Variants in METTL15 observed in about 807,000 individuals in gnomAD.
METTL15 encodes methyltransferase 15, mitochondrial 12S rRNA N4-cytidine.
In METTL15, 34 loss-of-function variants were observed where a neutral mutation model predicts 38.3. The observed-to-expected ratio is 0.89, with a 90% CI of 0.68 to 1.18. METTL15 has a LOEUF of 1.18. Among genes scored for constraint, METTL15 ranks in the 50% most tolerant of loss-of-function variants. The probability of loss-of-function intolerance (pLI) is 0.00; values close to 1 mark genes in which losing one functional copy is unlikely to be tolerated. For synonymous variants in METTL15, 162 were observed against 170.9 expected (o/e 0.95, Z 0.41); for missense variants, 438 against 498.4 (o/e 0.88, Z 1.15).
At chr11:28,468,536 C>T (rs1393354789) in intron 6 of METTL15, among the ~76,000 whole-genome samples, 1 of 152,098 alleles carries the variant, frequency 6.6e-6, no homozygotes, top group East Asian at 1.9e-4. Context: ...AGGGGTTGTT[C>T]ATAAATCTGT....
chr11:28,227,913 G>A (rs1853545982), intron 4 of METTL15, among the ~76,000 whole-genome samples: 1 of 151,822 alleles, frequency 6.6e-6, no homozygotes, highest in South Asian at 2.1e-4. Context: ...TTGCTTTAAT[G>A]ATCTCTGGCT....
chr11:28,226,551 CTTTAT>C (rs1249204838), intron 4 of METTL15, among the ~76,000 whole-genome samples: 1 of 151,808 alleles, frequency 6.6e-6, no homozygotes, highest in Non-Finnish European at 1.5e-5. Flanking sequence ...TTTTCCTTCT[CTTTAT>C]TTTAAGCTGC....
intron 4 of METTL15, among the ~76,000 whole-genome samples, chr11:28,215,337 G>A (rs1852817020): frequency 6.6e-6 from 1 of 152,054 alleles, no homozygotes; most frequent in Non-Finnish European, 1.5e-5. Flanking sequence ...TTCTATAGGG[G>A]AGGTTAGAGT....
rs574490360 is a variant in METTL15, at chr11:28,143,795, T to TA, written c.270+30192dup. ...AGATGAATTTTGCCTTGAGAAAAGA[T>TA]ATCTTGATCGTTGAGTAGTTCCATC... On this transcript the variant is annotated intron_variant, in intron 3 of 6. Coordinates refer to ENST00000407364, the MANE Select transcript of METTL15 (RefSeq NM_001113528.2). Among the ~76,000 whole-genome samples, 10 of 152,280 alleles carry TA rather than the reference T, an allele frequency of 6.6e-5. No individual in the cohort carries two copies. The South Asian group carries it at 2.1e-3, about 32-fold the overall frequency.
chr11:28,183,943 T>C (rs1851394259), intron 3 of METTL15, among the ~76,000 whole-genome samples: 1 of 152,086 alleles, frequency 6.6e-6, no homozygotes, highest in Non-Finnish European at 1.5e-5. Flanking sequence ...GAACTTGTTA[T>C]TGGTCTATTC....
intron 6 of METTL15, among the ~76,000 whole-genome samples, chr11:28,520,900 C>T (rs1265749501): frequency 6.6e-6 from 1 of 152,204 alleles, no homozygotes; most frequent in African/African-American, 2.4e-5. Context: ...TCTGATGCTG[C>T]TGGATTCTAA....
At chr11:28,479,136 T>C (rs1851373653) in intron 6 of METTL15, among the ~76,000 whole-genome samples, 1 of 151,930 alleles carries the variant, frequency 6.6e-6, no homozygotes, top group African/African-American at 2.4e-5. Context: ...CATGATCAGT[T>C]GAACTAAGAA....
chr11:28,159,315 A>G (rs1850370673), intron 3 of METTL15, among the ~76,000 whole-genome samples: 1 of 152,014 alleles, frequency 6.6e-6, no homozygotes, highest in African/African-American at 2.4e-5. Context: ...AATACAGGAG[A>G]TCCATTAGGG....
chr11:28,309,891 T>C (rs1214349965), intron 6 of METTL15, among the ~76,000 whole-genome samples: 1 of 152,170 alleles, frequency 6.6e-6, no homozygotes, highest in Non-Finnish European at 1.5e-5. Context: ...CTTGTAAATA[T>C]CCACCATTAC....
In METTL15 at chr11:28,202,978, TA is replaced by T. The variant is rs34478028; in HGVS notation, c.271-8075del. Among the ~76,000 whole-genome samples, 558 of 151,426 alleles carry T rather than the reference TA, an allele frequency of 3.7e-3. 4 individuals are homozygous for T. The highest frequency in any genetic ancestry group is 0.011 in the African/African-American group (467 of 41,342). ...ATTTCAATGATTAGAATGATTGGAT[TA>T]AAAAAAAATTATCTAGTCTCTGCAA... On this transcript the variant is annotated intron_variant, in intron 3 of 6. Transcript: ENST00000407364.
At chr11:28,409,779 A>C (rs1186865832) in intron 5 of METTL15, among the ~76,000 whole-genome samples, 1 of 152,166 alleles carries the variant, frequency 6.6e-6, no homozygotes, top group African/African-American at 2.4e-5. Context: ...GAAGGAAATA[A>C]AAATCAGAAC....
intron 3 of METTL15, among the ~76,000 whole-genome samples, chr11:28,133,807 G>A (rs1849420774): frequency 6.6e-6 from 1 of 152,108 alleles, no homozygotes; most frequent in South Asian, 2.1e-4. Context: ...CCCCAAGTTA[G>A]AATCACCTGG....
At chr11:28,205,071 T>G (rs1272984435) in intron 3 of METTL15, among the ~76,000 whole-genome samples, 2 of 151,952 alleles carry the variant, frequency 1.3e-5, no homozygotes, top group African/African-American at 4.8e-5. Context: ...CCACAAAAAT[T>G]GACCAGTTGC....
At chr11:28,270,287 ATGT>A (rs1017498659) in intron 4 of METTL15, among the ~76,000 whole-genome samples, 3 of 152,302 alleles carry the variant, frequency 2.0e-5, no homozygotes, top group African/African-American at 7.2e-5. Flanking sequence ...CATGGACAAC[ATGT>A]TGTTTTGAAA....
intron 5 of METTL15, among the ~76,000 whole-genome samples, chr11:28,412,055 C>CTATTAT (rs1850732340): frequency 6.6e-6 from 1 of 151,950 alleles, no homozygotes; most frequent in Non-Finnish European, 1.5e-5. Flanking sequence ...TCACCTCACA[C>CTATTAT]CTGTAAGGGT....
At chr11:28,334,695 C>T (rs1849885173), downstream of METTL15, among the ~76,000 whole-genome samples, 1 of 152,032 alleles carries the variant, frequency 6.6e-6, no homozygotes. Context: ...CTGTTTATAG[C>T]TACTATATCC....
intron 4 of METTL15, among the ~76,000 whole-genome samples, chr11:28,353,892 T>A (rs968590619): frequency 7.5e-6 from 1 of 133,822 alleles, no homozygotes; most frequent in East Asian, 2.2e-4. Context: ...GCCACTGCAG[T>A]CCGCAGTCCG....
intron 6 of METTL15, among the ~76,000 whole-genome samples, chr11:28,297,933 A>T (rs1027535384): frequency 8.5e-5 from 13 of 152,218 alleles, no homozygotes; most frequent in Middle Eastern, 3.4e-3. Context: ...ATTCATTTAG[A>T]TCATTACTAT....
intron 6 of METTL15, 48 bp downstream of exon 6, chr11:28,296,979 A>G (rs144079959): frequency 4.1e-5 from 66 of 1,599,698 alleles, no homozygotes; most frequent in Admixed American, 2.0e-4. Flanking sequence ...AATTATATTT[A>G]CATGTGTGCA....
Sources: allele counts gnomAD v4.1 joint callset (sites outside exome capture counted in the v4.1 genomes callset), GRCh38; gene constraint gnomAD v4.1.1; transcripts MANE v1.5; gene names NCBI Gene and HGNC (gene_info 2026-07-23, HGNC 2026-07-21).